AFF2: variants seen among roughly 807,000 people sequenced by gnomAD.
AFF2 encodes ALF transcription elongation factor 2.
In AFF2, 14 loss-of-function variants were observed where a neutral mutation model predicts 76.9. The ratio of observed to expected loss-of-function variants is 0.18; its 90% CI spans 0.12 to 0.28. The LOEUF is 0.28. AFF2 is among the 10% of genes least tolerant of loss of function. AFF2 has a pLI of 1.00. For missense variants in AFF2, 868 were observed against 1,001.1 expected (o/e 0.87, Z 1.79); for synonymous variants, 398 against 366.7 (o/e 1.09, Z -0.98).
intron 1 of AFF2, among the ~76,000 whole-genome samples, chrX:148,545,616 A>G (rs957872836): frequency 1.8e-5 from 2 of 111,157 alleles, no homozygotes; most frequent in Admixed American, 9.6e-5. Flanking sequence ...TTTCAGGTGT[A>G]ATCATCAGTA....
In AFF2 at chrX:148,962,874, A is replaced by C; in HGVS notation, c.2850A>C (p.Thr950=). ...DKNIAMTGQI[T]STKPKRTEGK... ...ACATCGCCATGACTGGACAAATCAC[A>C]TCTACCAAACCTAAGAGAACTGAAG... is the stretch of plus-strand genomic sequence containing the variant. Residue 950 remains threonine (T), a synonymous_variant, in exon 13 of 21, where the codon ACA becomes ACC. Transcript: ENST00000370460. 1 of 1,210,614 alleles carries C rather than the reference A, an allele frequency of 8.3e-7. No homozygotes were observed. Among genetic ancestry groups the C allele is most frequent in the Non-Finnish European group, 1.1e-6 (1 of 894,348 alleles).
At position 148,800,912 on chromosome X, in the gene AFF2, C is replaced by G. The variant is rs782764504; in HGVS notation, c.1042-8964C>G. On this transcript the variant is annotated intron_variant, in intron 3 of 20. Coordinates refer to ENST00000370460, the MANE Select transcript of AFF2 (RefSeq NM_002025.4). ...CTCTTCTTTAAACAATTCAGAAACT[C>G]CGTCTAATGTTCTAAAGGAATGATT... 4.5e-5 allele frequency among the ~76,000 whole-genome samples: 5 copies of G among 112,287 alleles called. No homozygotes were observed. The South Asian group carries it at 1.9e-3, about 42-fold the overall frequency.
At chrX:148,967,552 GA>G (rs1168214601) in intron 14 of AFF2, 76 bp from the exon 15 acceptor site, 24 of 949,640 alleles carry the variant, frequency 2.5e-5, no homozygotes, top group Admixed American at 7.3e-5. Context: ...ATTTATAGCA[GA>G]AAAGGTTTGA....
chrX:148,695,341 C>T (rs1159301678), intron 3 of AFF2, among the ~76,000 whole-genome samples: 1 of 111,421 alleles, frequency 9.0e-6, no homozygotes, highest in Non-Finnish European at 1.9e-5. Context: ...AAACAGAGGC[C>T]CAAGTATGTC....
intron 1 of AFF2, among the ~76,000 whole-genome samples, chrX:148,557,068 A>C (rs1385778017): frequency 8.9e-6 from 1 of 112,196 alleles, no homozygotes; most frequent in Non-Finnish European, 1.9e-5. Context: ...TGTGGCTCTA[A>C]GATAATGAGC....
At chrX:148,688,055 T>C (rs1171497932) in intron 3 of AFF2, among the ~76,000 whole-genome samples, 2 of 110,953 alleles carry the variant, frequency 1.8e-5, no homozygotes, top group Admixed American at 9.7e-5. Flanking sequence ...TCATGTTCTA[T>C]AGCCTATCAA....
At chrX:148,894,749 T>G (rs782635139) in intron 8 of AFF2, among the ~76,000 whole-genome samples, 102 of 111,238 alleles carry the variant, frequency 9.2e-4, no homozygotes, top group Non-Finnish European at 1.5e-3. Flanking sequence ...ATCTCACTAC[T>G]GGGTAGTTTT....
chrX:148,638,739 AC>A (rs2054057633), intron 1 of AFF2, among the ~76,000 whole-genome samples: 1 of 110,753 alleles, frequency 9.0e-6, no homozygotes, highest in Non-Finnish European at 1.9e-5. Flanking sequence ...CACTTAAACA[AC>A]CAGATCTCAT....
intron 1 of AFF2, among the ~76,000 whole-genome samples, chrX:148,557,712 A>G (rs1209074282): frequency 2.7e-5 from 3 of 112,543 alleles, no homozygotes; most frequent in African/African-American, 9.7e-5. Flanking sequence ...GTCACGTATA[A>G]TAAAGGCATT....
intron 18 of AFF2, among the ~76,000 whole-genome samples, chrX:148,979,790 G>C (rs781891159): frequency 8.9e-6 from 1 of 112,619 alleles, no homozygotes; most frequent in South Asian, 3.7e-4. Flanking sequence ...TCTGCAGAAT[G>C]CACCTTAGGT....
At chrX:148,697,712 T>G (rs2054737481) in intron 3 of AFF2, among the ~76,000 whole-genome samples, 1 of 111,599 alleles carries the variant, frequency 9.0e-6, no homozygotes, top group African/African-American at 3.3e-5. Flanking sequence ...CTTTGGTTAT[T>G]TGAGGTTATT....
chrX:148,518,520 T>C (rs1439771778), intron 1 of AFF2, among the ~76,000 whole-genome samples: 1 of 112,355 alleles, frequency 8.9e-6, no homozygotes, highest in African/African-American at 3.2e-5. Flanking sequence ...GGACTGAGCT[T>C]TGATGGAGAA....
chrX:148,651,985 C>T lies in AFF2; in HGVS notation c.48-14C>T, dbSNP rs1557256395. 2 of 1,147,198 alleles carry T rather than the reference C, an allele frequency of 1.7e-6. No homozygotes were observed. Among genetic ancestry groups the T allele is most frequent in the Non-Finnish European group, 1.2e-6 (1 of 862,099 alleles). The allele number at this position is 1,147,198 out of a possible 1,213,427, so 94.5% of individuals were successfully genotyped here. On this transcript the variant is annotated splice_polypyrimidine_tract_variant and intron_variant, in intron 1 of 20. Coordinates refer to ENST00000370460, the MANE Select transcript of AFF2 (RefSeq NM_002025.4). ...TAATCTTTTTCTCTTTTTGTCTTTT[C>T]CTTTTCATATCAGTCACTATGAACA...
At chrX:148,784,985 A>G (rs2069797550) in intron 3 of AFF2, among the ~76,000 whole-genome samples, 1 of 111,566 alleles carries the variant, frequency 9.0e-6, no homozygotes, top group South Asian at 3.8e-4. Flanking sequence ...TGGGAGCCGC[A>G]TATACATTTG....
At chrX:148,520,800 A>T (rs2052588264) in intron 1 of AFF2, among the ~76,000 whole-genome samples, 1 of 112,621 alleles carries the variant, frequency 8.9e-6, no homozygotes, top group Admixed American at 9.4e-5. Context: ...TTCTAAAAAA[A>T]ATATTAAGGA....
intron 4 of AFF2, among the ~76,000 whole-genome samples, chrX:148,835,724 C>G (rs1557273716): frequency 1.8e-5 from 2 of 110,082 alleles, no homozygotes; most frequent in Non-Finnish European, 3.8e-5. Context: ...ACCTCGTGAT[C>G]CACCCACCTC....
intron 3 of AFF2, among the ~76,000 whole-genome samples, chrX:148,743,548 T>A (rs2055385954): frequency 9.0e-6 from 1 of 111,392 alleles, no homozygotes; most frequent in Non-Finnish European, 1.9e-5. Flanking sequence ...GGTGGGTATG[T>A]TTGTGAGTGT....
At chrX:148,749,947 CTTTA>C (rs56019532) in intron 3 of AFF2, among the ~76,000 whole-genome samples, 8,343 of 101,698 alleles carry the variant, frequency 0.082, 919 homozygotes, top group African/African-American at 0.28. Flanking sequence ...GGCCTGCACC[CTTTA>C]TTTATTTATT....
chrX:148,551,060 A>G (rs2052983965), intron 1 of AFF2, among the ~76,000 whole-genome samples: 1 of 109,793 alleles, frequency 9.1e-6, no homozygotes, highest in Non-Finnish European at 1.9e-5. Context: ...GAGGGGGAAA[A>G]ATCAGCCCTG....
Sources: allele counts gnomAD v4.1 joint callset (sites outside exome capture counted in the v4.1 genomes callset), GRCh38; gene constraint gnomAD v4.1.1; transcripts MANE v1.5; gene names NCBI Gene and HGNC (gene_info 2026-07-23, HGNC 2026-07-21).